The following KIAA1586 variants were observed in gnomAD, a reference collection of about 807,000 sequenced individuals.
The protein encoded by KIAA1586 is KIAA1586, also known as E3 SUMO-protein ligase KIAA1586.
KIAA1586 carries 5 observed loss-of-function variants against 6.1 expected under a neutral mutation model. The ratio of observed to expected loss-of-function variants is 0.82; its 90% confidence interval spans 0.43 to 1.73. The LOEUF (loss-of-function observed/expected upper bound fraction) is 1.73, where lower values mean the gene tolerates loss of function less well. Ranked by LOEUF, KIAA1586 falls within the 40% of genes most tolerant of loss-of-function variation. The pLI is 0.02. For missense variants in KIAA1586, 899 were observed against 878.2 expected (o/e 1.02, Z -0.30); for synonymous variants, 280 against 301.7 (o/e 0.93, Z 0.75).
rs370971834 is a variant in KIAA1586, at chr6:57,053,367, A to G, written c.868A>G (p.Arg290Gly). Residue 290 changes from arginine (R) to glycine (G), a missense_variant, in exon 4 of 4, where the codon AGA (arginine) becomes GGA (glycine). Physicochemically the swap from Arg to Gly is moderately radical, Grantham distance 125. Coordinates refer to ENST00000370733, the MANE Select transcript of KIAA1586 (RefSeq NM_020931.4). ...NCLNTRYSAT[R>G]IAEHIAKEMK... ...TTTAAATACACGTTACAGTGCAACA[A>G]GAATAGCAGAACATATTGCAAAAGA... 1.2e-6 allele frequency: 2 copies of G among 1,611,688 alleles called. No individual in the cohort carries two copies. The highest frequency in any genetic ancestry group is 1.1e-5 in the South Asian group (1 of 90,634).
the KIAA1586 span, among the ~76,000 whole-genome samples, chr6:57,065,211 GA>G: frequency 3.3e-5 from 5 of 151,550 alleles, no homozygotes; most frequent in African/African-American, 7.3e-5. Flanking sequence ...CCTACTTGTT[GA>G]AAAAAAATGG....
chr6:57,065,569 C>A, the KIAA1586 span, among the ~76,000 whole-genome samples: 3 of 151,610 alleles, frequency 2.0e-5, no homozygotes, highest in Admixed American at 1.3e-4. Flanking sequence ...TCACTGCAGC[C>A]TCGACCTTCT....
At position 57,050,968 on chromosome 6, in the gene KIAA1586, G is replaced by A. The variant is rs184720335; in HGVS notation, c.186+114G>A. 2.1e-3 allele frequency: 1,547 copies of A among 732,792 alleles called. 25 individuals are homozygous for A. The African/African-American group carries it at 0.025, about 12-fold the overall frequency. 45.4% of individuals were successfully genotyped at this position (732,792 alleles called of 1,614,324 possible). The stretch of plus-strand genomic sequence containing the variant: ...TTGTTGGCCAGGCACGGTGGCTCTC[G>A]CTTGTAATCCCAGCACTTTGGGAGG... On this transcript the variant is annotated intron_variant, in intron 3 of 3. Transcript: ENST00000370733.
chr6:57,053,397 A>C lies in KIAA1586; in HGVS notation c.898A>C (p.Lys300Gln). Residue 300 changes from lysine to glutamine, a missense_variant, in exon 4 of 4, where the codon AAG becomes CAG. Lys to Gln is a moderately conservative substitution (Grantham distance 53). Coordinates refer to ENST00000370733, the MANE Select transcript of KIAA1586 (RefSeq NM_020931.4). ...AGCAGAACATATTGCAAAAGAAATG[A>C]AGATGAAGATATTTAAGAATATTAT... The part of the protein sequence containing the change: ...RIAEHIAKEM[K>Q]MKIFKNIIEE... 1 of 1,609,392 alleles carries C rather than the reference A, an allele frequency of 6.2e-7. No individual in the cohort carries two copies. Among genetic ancestry groups the C allele is most frequent in the Non-Finnish European group, 8.5e-7 (1 of 1,177,878 alleles).
At position 57,050,525 on chromosome 6, in the gene KIAA1586, A is replaced by T. The variant is rs143684487; in HGVS notation, c.106-249A>T. 3.5e-3 allele frequency among the ~76,000 whole-genome samples: 524 copies of T among 150,296 alleles called. 3 individuals carry two copies. Among genetic ancestry groups the T allele is most frequent in the African/African-American group, 0.011 (435 of 40,798 alleles). Reference sequence around the variant, plus strand: ...GAGTTGGTGTCTCACTATGTTGCCCAGGCTGATCTTGAACTTCTGGGCTCA... The same window carrying T: ...GAGTTGGTGTCTCACTATGTTGCCCTGGCTGATCTTGAACTTCTGGGCTCA... On this transcript the variant is annotated intron_variant, in intron 2 of 3. Coordinates refer to ENST00000370733, the MANE Select transcript of KIAA1586 (RefSeq NM_020931.4).
chr6:57,064,491 AT>A, the KIAA1586 span, among the ~76,000 whole-genome samples: 2 of 152,178 alleles, frequency 1.3e-5, no homozygotes, highest in African/African-American at 4.8e-5. Context: ...CATCTCTTCA[AT>A]GACAACATTT....
intron 3 of KIAA1586, 137 bp from the exon 4 acceptor site, chr6:57,052,549 T>C (rs1035544561): frequency 8.6e-6 from 5 of 582,634 alleles, no homozygotes; most frequent in Non-Finnish European, 1.3e-5. Flanking sequence ...ATTGATATTA[T>C]AGATATAAAC....
At chr6:57,048,346 G>A (rs1335147321) in intron 2 of KIAA1586, among the ~76,000 whole-genome samples, 2 of 152,140 alleles carry the variant, frequency 1.3e-5, no homozygotes, top group African/African-American at 2.4e-5. Context: ...GGGCGACTTT[G>A]TAAGTCACTT....
downstream of KIAA1586, among the ~76,000 whole-genome samples, chr6:57,056,592 A>G (rs538548656): frequency 6.6e-6 from 1 of 151,044 alleles, no homozygotes; most frequent in East Asian, 2.0e-4. Flanking sequence ...ATGTCACCCA[A>G]GCTGGACTGC....
rs1229333588 is a variant in KIAA1586, at chr6:57,053,020, C to T, written c.521C>T (p.Ala174Val). 6.2e-7 allele frequency: 1 copy of T among 1,613,804 alleles called. No individual in the cohort carries two copies. Among genetic ancestry groups the T allele is most frequent in the Non-Finnish European group, 8.5e-7 (1 of 1,179,884 alleles). The part of the protein sequence containing the change: ...CSAVRHLGSK[A>V]EKHVHVSKEW... The stretch of plus-strand genomic sequence containing the variant: ...GCAGTTCGGCATTTGGGATCGAAAG[C>T]AGAAAAGCATGTCCATGTGTCCAAG... Residue 174 changes from alanine (A) to valine (V), a missense_variant, in exon 4 of 4, where the codon GCA (alanine) becomes GTA (valine). By Grantham distance (64) the Ala-to-Val change is moderately conservative. Transcript: ENST00000370733.
At chr6:57,050,741 C>G (rs548606402) in intron 2 of KIAA1586, 33 bp from the exon 3 acceptor site, 1 of 1,427,678 alleles carries the variant, frequency 7.0e-7, no homozygotes, top group African/African-American at 1.4e-5. Context: ...AATGATTGTT[C>G]ATGACTTGTA....
chr6:57,054,046 G>A lies in KIAA1586; in HGVS notation c.1547G>A (p.Arg516Lys), dbSNP rs1158209385. The A allele has an allele frequency of 2.5e-6, 4 of 1,610,756 alleles. No individual in the cohort carries two copies. In the South Asian group the frequency reaches 4.4e-5, roughly 18 times the overall value. ...FSHSYSGLAKRLANINFLQDL... is the reference protein window; with the variant it reads ...FSHSYSGLAKKLANINFLQDL... ...CATTCTTACTCTGGTTTGGCGAAGAGATTAGCTAACATTAATTTCTTACAA... is the reference window on the plus strand; with the variant it reads ...CATTCTTACTCTGGTTTGGCGAAGAAATTAGCTAACATTAATTTCTTACAA... The change falls in exon 4 of 4, where the codon AGA becomes AAA. Residue 516 changes from arginine to lysine, a missense_variant. Arg to Lys is a conservative substitution (Grantham distance 26). Transcript: ENST00000370733.
the KIAA1586 span, among the ~76,000 whole-genome samples, chr6:57,064,710 C>T: frequency 1.2e-4 from 19 of 152,090 alleles, no homozygotes; most frequent in Non-Finnish European, 1.2e-4. Flanking sequence ...GTTCCAAAAG[C>T]CTTCTATTTA....
the KIAA1586 span, among the ~76,000 whole-genome samples, chr6:57,063,807 G>A: frequency 6.6e-6 from 1 of 152,054 alleles, no homozygotes; most frequent in Non-Finnish European, 1.5e-5. Flanking sequence ...TTATTTTTAA[G>A]CGAAAACACC....
Position 57,054,322 on chromosome 6 carries a change from A to G in KIAA1586, c.1823A>G (p.Asp608Gly), listed in dbSNP as rs1461467641. 6.3e-7 allele frequency: 1 copy of G among 1,588,172 alleles called. No homozygotes were observed. The highest frequency in any genetic ancestry group is 8.5e-7 in the Non-Finnish European group (1 of 1,170,370). Residue 608 changes from aspartate (D) to glycine (G), a missense_variant, in exon 4 of 4, where the codon GAC becomes GGC. Physicochemically the swap from Asp to Gly is moderately conservative, Grantham distance 94. Transcript: ENST00000370733. ...GCTCTTCCTAGGAGTATATTACTAG[A>G]CAATATAATTCAGCACATGAACCTA... The part of the protein sequence containing the change: ...FNALPRSILL[D>G]NIIQHMNLRL...
the KIAA1586 span, among the ~76,000 whole-genome samples, chr6:57,064,419 T>C: frequency 6.6e-5 from 10 of 152,248 alleles, no homozygotes; most frequent in African/African-American, 2.4e-4. Flanking sequence ...TGTGTTCTCC[T>C]ATATAGAGGT....
chr6:57,046,787 G>C lies in KIAA1586; in HGVS notation c.21+11G>C. On this transcript the variant is annotated intron_variant, in intron 1 of 3. Coordinates refer to ENST00000370733, the MANE Select transcript of KIAA1586 (RefSeq NM_020931.4). ...GACCCGGGGTCGGAAGTGAGTAGTC[G>C]AGTGAGGGTCCTGGCGTTCTCAGAG... is the stretch of plus-strand genomic sequence containing the variant. 2 of 1,610,508 alleles carry C rather than the reference G, an allele frequency of 1.2e-6. No homozygotes were observed. Among genetic ancestry groups the C allele is most frequent in the Non-Finnish European group, 8.5e-7 (1 of 1,179,000 alleles).
rs373253483 is a variant in KIAA1586, at chr6:57,054,339, A to G, written c.1840A>G (p.Met614Val). Reference sequence around the variant, plus strand: ...ATTACTAGACAATATAATTCAGCACATGAACCTACGCCTTTTATCTGACAG... The same window carrying G: ...ATTACTAGACAATATAATTCAGCACGTGAACCTACGCCTTTTATCTGACAG... ...SILLDNIIQH[M>V]NLRLLSDRNH... The change falls in exon 4 of 4, where the codon ATG (methionine) becomes GTG (valine). Residue 614 changes from methionine to valine, a missense_variant. Transcript: ENST00000370733. 16 of 1,596,242 alleles carry G rather than the reference A, an allele frequency of 1.0e-5. No individual in the cohort carries two copies. Among genetic ancestry groups the G allele is most frequent in the East Asian group, 8.9e-5 (4 of 44,734 alleles).
chr6:57,057,977 TAG>T (rs1464230611), downstream of KIAA1586, among the ~76,000 whole-genome samples: 7 of 151,946 alleles, frequency 4.6e-5, no homozygotes, highest in Admixed American at 4.6e-4. Flanking sequence ...GTATTTTTGG[TAG>T]AGACAGGGTT....
Sources: allele counts gnomAD v4.1 joint callset (sites outside exome capture counted in the v4.1 genomes callset), GRCh38; gene constraint gnomAD v4.1.1; transcripts MANE v1.5; gene names NCBI Gene and HGNC (gene_info 2026-07-23, HGNC 2026-07-21).